ANKRD29: variants seen among roughly 807,000 people sequenced by gnomAD.
ANKRD29 encodes the protein ankyrin repeat domain-containing protein 29.
ANKRD29 carries 32 observed loss-of-function variants against 38.0 expected under a neutral mutation model. That is an observed-to-expected ratio of 0.84 (90% CI 0.64 to 1.13). The LOEUF is 1.13. Ranked by LOEUF, ANKRD29 falls within the 50% of genes most tolerant of loss-of-function variation. The pLI is 0.00. For missense variants in ANKRD29, 357 were observed against 377.9 expected (o/e 0.94, Z 0.46); for synonymous variants, 135 against 152.4 (o/e 0.89, Z 0.84).
chr18:23,661,172 T>A (rs2060355777), intron 1 of ANKRD29, among the ~76,000 whole-genome samples: 1 of 152,182 alleles, frequency 6.6e-6, no homozygotes, highest in South Asian at 2.1e-4. Context: ...CCTCTTATTT[T>A]CCACCTTTAT....
chr18:23,635,559 G>A (rs2059992151), intron 4 of ANKRD29, among the ~76,000 whole-genome samples: 2 of 152,190 alleles, frequency 1.3e-5, no homozygotes, highest in African/African-American at 2.4e-5. Flanking sequence ...GGACATCTGA[G>A]CTAATTGTAA....
intron 7 of ANKRD29, chr18:23,619,250 C>G (rs2059762813): frequency 2.5e-6 from 1 of 402,454 alleles, no homozygotes; most frequent in Non-Finnish European, 4.4e-6. Context: ...GGGAGGCCCC[C>G]AGGACAGGCG....
At chr18:23,622,633 C>T (rs1308030737) in intron 6 of ANKRD29, among the ~76,000 whole-genome samples, 2 of 152,178 alleles carry the variant, frequency 1.3e-5, no homozygotes, top group Admixed American at 6.5e-5. Flanking sequence ...GTGGTGCCAT[C>T]TCAGATCACT....
chr18:23,635,665 G>A (rs2059993442), intron 4 of ANKRD29, among the ~76,000 whole-genome samples: 1 of 152,194 alleles, frequency 6.6e-6, no homozygotes, highest in Non-Finnish European at 1.5e-5. Context: ...TATTCAAAAT[G>A]CCTACTCATA....
chr18:23,651,706 G>A (rs1421303072), intron 1 of ANKRD29, among the ~76,000 whole-genome samples: 1 of 152,190 alleles, frequency 6.6e-6, no homozygotes, highest in Admixed American at 6.5e-5. Context: ...ATCTCTAGTC[G>A]GGGCCTCTCC....
intron 1 of ANKRD29, among the ~76,000 whole-genome samples, chr18:23,649,939 A>G (rs1315415492): frequency 6.6e-6 from 1 of 152,050 alleles, no homozygotes; most frequent in Non-Finnish European, 1.5e-5. Context: ...CACGTTGGCC[A>G]GGATGGTCTT....
intron 3 of ANKRD29, 31 bp from the exon 4 acceptor site, chr18:23,638,978 G>A: frequency 6.7e-7 from 1 of 1,495,522 alleles, no homozygotes; most frequent in Non-Finnish European, 9.1e-7. Flanking sequence ...AGTTTTAAAA[G>A]ACATTTGGTT....
chr18:23,662,748 C>A lies in ANKRD29; in HGVS notation c.-18G>T, dbSNP rs2060384093. ...CTGCACATGTCCGCGGCCGCCCGAG[C>A]GGGAGCCGGCGCGCTTTGGGCCCGG... is the stretch of plus-strand genomic sequence containing the variant. On this transcript the variant is annotated 5_prime_UTR_variant, in exon 1 of 10. Transcript: ENST00000592179. The A allele has an allele frequency of 3.4e-6, 5 of 1,460,552 alleles. No homozygotes were observed. In the East Asian group the frequency reaches 1.5e-4, roughly 44 times the overall value. 90.5% of individuals were successfully genotyped at this position (1,460,552 alleles called of 1,614,324 possible).
At chr18:23,651,538 A>G (rs978666439) in intron 1 of ANKRD29, among the ~76,000 whole-genome samples, 8 of 152,238 alleles carry the variant, frequency 5.3e-5, no homozygotes, top group Non-Finnish European at 1.2e-4. Flanking sequence ...AGACAATGTA[A>G]TATGCACCAG....
At chr18:23,662,627 A>AAACACC in intron 1 of ANKRD29, 83 bp downstream of exon 1, 1 of 54,440 alleles carries the variant, frequency 1.8e-5, no homozygotes, top group Non-Finnish European at 3.3e-5. Context: ...ACCCCATCCC[A>AAACACC]CCCCATCCCA....
chr18:23,662,255 T>C (rs908422356), intron 1 of ANKRD29, among the ~76,000 whole-genome samples: 4 of 152,202 alleles, frequency 2.6e-5, no homozygotes, highest in African/African-American at 9.6e-5. Context: ...CAAGACACCT[T>C]TGGACCCTGA....
Position 23,638,871 on chromosome 18 carries a change from G to C in ANKRD29, c.308C>G (p.Ala103Gly), listed in dbSNP as rs960760050. The change falls in exon 4 of 10, where the codon GCA (alanine) becomes GGA (glycine). Residue 103 changes from alanine to glycine, a missense_variant. Transcript: ENST00000592179. ...DVVRFLFGFG[A>G]STEFRTKDGG... ...CACTTTGGTCCTAAATTCAGTGGAT[G>C]CTCCAAATCCAAAGAGAAATCTCAC... 1 of 1,611,450 alleles carries C rather than the reference G, an allele frequency of 6.2e-7. No individual in the cohort carries two copies. Among genetic ancestry groups the C allele is most frequent in the Non-Finnish European group, 8.5e-7 (1 of 1,179,354 alleles).
At chr18:23,630,317 C>G (rs1218329743) in intron 5 of ANKRD29, among the ~76,000 whole-genome samples, 1 of 152,210 alleles carries the variant, frequency 6.6e-6, no homozygotes, top group Non-Finnish European at 1.5e-5. Flanking sequence ...ATCCCAGCTA[C>G]TCCGGAGGCT....
chr18:23,617,644 T>C, intron 8 of ANKRD29, 88 bp downstream of exon 8: 1 of 1,042,882 alleles, frequency 9.6e-7, no homozygotes, highest in Non-Finnish European at 1.5e-6. Context: ...CCAGGCTAAC[T>C]GCACCCAAAT....
chr18:23,611,012 T>C (rs1599063519), intron 9 of ANKRD29, among the ~76,000 whole-genome samples: 1 of 152,250 alleles, frequency 6.6e-6, no homozygotes, highest in East Asian at 1.9e-4. Flanking sequence ...CCTAGGCTAC[T>C]CTCCTCTGCT....
intron 7 of ANKRD29, 131 bp from the exon 8 acceptor site, chr18:23,617,958 G>A: frequency 1.5e-6 from 1 of 651,750 alleles, no homozygotes. Context: ...GATCAGCAAT[G>A]TCTCTTAATC....
intron 2 of ANKRD29, chr18:23,647,634 C>T (rs1296177356): frequency 6.6e-6 from 1 of 152,128 alleles, no homozygotes; most frequent in Non-Finnish European, 1.5e-5. Flanking sequence ...ATTCTCTTGC[C>T]TCAGCCTCCT....
At chr18:23,629,401 T>G (rs971571757) in intron 6 of ANKRD29, among the ~76,000 whole-genome samples, 1 of 152,248 alleles carries the variant, frequency 6.6e-6, no homozygotes, top group African/African-American at 2.4e-5. Flanking sequence ...AACCTCCTAA[T>G]GATTCCAACG....
At chr18:23,657,659 T>C (rs948797887) in intron 1 of ANKRD29, among the ~76,000 whole-genome samples, 3 of 152,218 alleles carry the variant, frequency 2.0e-5, no homozygotes, top group African/African-American at 7.2e-5. Context: ...ATTTTGGACA[T>C]TGCATATAAA....
Sources: allele counts gnomAD v4.1 joint callset (sites outside exome capture counted in the v4.1 genomes callset), GRCh38; gene constraint gnomAD v4.1.1; transcripts MANE v1.5; gene names NCBI Gene and HGNC (gene_info 2026-07-23, HGNC 2026-07-21).